The following TBXAS1 variants were observed in gnomAD, a reference collection of about 807,000 sequenced individuals.
TBXAS1 encodes the protein thromboxane A synthase 1, also known as thromboxane-A synthase.
Under a neutral mutation model 60.7 loss-of-function variants are expected in TBXAS1, and 48 were observed. That is an observed-to-expected ratio of 0.79 (90% CI 0.63 to 1.01). The LOEUF (loss-of-function observed/expected upper bound fraction) is 1.01, where lower values mean the gene tolerates loss of function less well. TBXAS1 is among the 50% of genes least tolerant of loss of function. The probability of loss-of-function intolerance (pLI) is 0.00; values close to 1 mark genes in which losing one functional copy is unlikely to be tolerated. For missense variants in TBXAS1, 685 were observed against 686.3 expected (o/e 1.00, Z 0.02); for synonymous variants, 287 against 269.7 (o/e 1.06, Z -0.63).
intron 9 of TBXAS1, among the ~76,000 whole-genome samples, chr7:139,985,031 T>G (rs1332324346): frequency 6.6e-6 from 1 of 152,204 alleles, no homozygotes; most frequent in African/African-American, 2.4e-5. Context: ...TCCCAGCAAC[T>G]AAGGCTCAAA....
chr7:139,981,359 G>A lies in TBXAS1; in HGVS notation c.1134+19126G>A, dbSNP rs185532385. 7.4e-4 allele frequency among the ~76,000 whole-genome samples: 112 copies of A among 152,202 alleles called. No homozygotes were observed. In the East Asian group the frequency reaches 0.018, roughly 25 times the overall value. The stretch of plus-strand genomic sequence containing the variant: ...TTGAACTCCTGACCTCAGGTGATCC[G>A]CCTGCGTCGGCCTCCCAGAGTGCTG... On this transcript the variant is annotated intron_variant, in intron 9 of 12. Transcript: ENST00000448866.
chr7:139,995,917 C>T (rs1813252251), intron 9 of TBXAS1, among the ~76,000 whole-genome samples: 1 of 152,138 alleles, frequency 6.6e-6, no homozygotes, highest in Non-Finnish European at 1.5e-5. Context: ...TCATTCATCC[C>T]CTCTCTAACT....
In TBXAS1 at chr7:139,998,694, C is replaced by T. The variant is rs376383957; in HGVS notation, c.1135-8397C>T. On this transcript the variant is annotated intron_variant, in intron 9 of 12. Transcript: ENST00000448866. ...GCAAAACACTATTATTATTCTAGAT[C>T]TCTGCAGACAGCAATTTCTGCAGCA... Among the ~76,000 whole-genome samples, 7 of 152,346 alleles carry T rather than the reference C, an allele frequency of 4.6e-5. No individual in the cohort carries two copies. In the East Asian group the frequency reaches 1.2e-3, roughly 25 times the overall value.
At chr7:139,864,702 C>T (rs1433285467) in intron 1 of TBXAS1, among the ~76,000 whole-genome samples, 3 of 152,130 alleles carry the variant, frequency 2.0e-5, no homozygotes, top group African/African-American at 7.2e-5. Context: ...TAGATCCAAG[C>T]ACCTATACTA....
chr7:139,980,261 A>T (rs550031920), intron 9 of TBXAS1, among the ~76,000 whole-genome samples: 1 of 152,320 alleles, frequency 6.6e-6, no homozygotes, highest in South Asian at 2.1e-4. Flanking sequence ...AACTAGAAGA[A>T]GGGATGAAAC....
intron 1 of TBXAS1, among the ~76,000 whole-genome samples, chr7:139,854,407 C>A (rs901636576): frequency 6.6e-6 from 1 of 152,100 alleles, no homozygotes; most frequent in Non-Finnish European, 1.5e-5. Flanking sequence ...AGTGCTTGAA[C>A]TGAAAGTGAC....
chr7:139,992,273 C>T (rs1812969248), intron 9 of TBXAS1, among the ~76,000 whole-genome samples: 2 of 152,224 alleles, frequency 1.3e-5, no homozygotes, highest in South Asian at 4.1e-4. Flanking sequence ...AAGAAATTGG[C>T]TATCAAGGCT....
chr7:139,838,872 G>A (rs1300965836), intron 1 of TBXAS1, among the ~76,000 whole-genome samples: 1 of 152,160 alleles, frequency 6.6e-6, no homozygotes, highest in African/African-American at 2.4e-5. Flanking sequence ...GTATTAGCTG[G>A]AAGTACATGG....
chr7:139,904,997 CTCTTTCTCTCTTTCTTTCTT>C (rs1407274997), intron 3 of TBXAS1, among the ~76,000 whole-genome samples: 79 of 93,148 alleles, frequency 8.5e-4, no homozygotes, highest in African/African-American at 1.1e-3. Context: ...CTCTCTTTCT[CTCTTTCTCTCTTTCTTTCTT>C]TCTTTCTTTC....
intron 12 of TBXAS1, among the ~76,000 whole-genome samples, chr7:140,019,104 T>G (rs926874610): frequency 2.0e-5 from 3 of 152,204 alleles, no homozygotes; most frequent in South Asian, 2.1e-4. Context: ...AGTTGACAGA[T>G]AGCAACAATT....
intron 2 of TBXAS1, among the ~76,000 whole-genome samples, chr7:139,873,026 T>C (rs868845744): frequency 1.2e-4 from 18 of 152,320 alleles, no homozygotes; most frequent in Middle Eastern, 6.8e-3. Context: ...TAGGGTGGTA[T>C]AGACGGTAGC....
rs558082237 is a variant in TBXAS1, at chr7:139,966,846, G to A, written c.1134+4613G>A. Reference sequence around the variant, plus strand: ...AGGATGCCGCCCTGCGGGAGGAGAGGTCTGTTTTTTCCCCTCCTTCTACCC... The same window carrying A: ...AGGATGCCGCCCTGCGGGAGGAGAGATCTGTTTTTTCCCCTCCTTCTACCC... On this transcript the variant is annotated intron_variant, in intron 9 of 12. Transcript: ENST00000448866. Among the ~76,000 whole-genome samples the A allele has an allele frequency of 5.3e-5, 8 of 152,290 alleles. No individual in the cohort carries two copies. The East Asian group carries it at 1.5e-3, about 29-fold the overall frequency.
intron 3 of TBXAS1, among the ~76,000 whole-genome samples, chr7:139,888,052 GAC>G (rs1465881036): frequency 6.6e-6 from 1 of 152,160 alleles, no homozygotes; most frequent in Non-Finnish European, 1.5e-5. Context: ...TGGAATGTAT[GAC>G]CCCAGTGACT....
At chr7:139,778,300 G>A (rs191519450), upstream of TBXAS1, 398 of 152,596 alleles carry the variant, frequency 2.6e-3, no homozygotes, top group African/African-American at 8.6e-3. This position sits in a 1 kb window ranked among gnomAD's most constrained non-coding sequence, Gnocchi z 4.8. Flanking sequence ...GCGCAGCCGA[G>A]CCGGTCTGCA....
intron 3 of TBXAS1, among the ~76,000 whole-genome samples, chr7:139,882,932 C>G (rs1473134353): frequency 6.6e-6 from 1 of 152,192 alleles, no homozygotes; most frequent in Non-Finnish European, 1.5e-5. Flanking sequence ...TAATCATGAA[C>G]ACTAAGCCTG....
intron 4 of TBXAS1, among the ~76,000 whole-genome samples, chr7:139,817,352 G>A (rs951941393): frequency 2.6e-5 from 4 of 152,004 alleles, no homozygotes; most frequent in African/African-American, 7.3e-5. Flanking sequence ...ACAAGACGCC[G>A]CCAGCAAGTC....
At chr7:139,880,898 G>T (rs549539152) in intron 3 of TBXAS1, among the ~76,000 whole-genome samples, 28 of 151,954 alleles carry the variant, frequency 1.8e-4, no homozygotes, top group Non-Finnish European at 3.4e-4. Flanking sequence ...CTCTTTCTAG[G>T]GTTTATGTCA....
chr7:139,844,983 GC>G (rs1176425864), intron 1 of TBXAS1, among the ~76,000 whole-genome samples: 1 of 151,830 alleles, frequency 6.6e-6, no homozygotes, highest in Non-Finnish European at 1.5e-5. Flanking sequence ...TTTTCCCCCA[GC>G]CCCCCAGGCT....
At position 139,875,490 on chromosome 7, in the gene TBXAS1, T is replaced by C. The variant is rs79823510; in HGVS notation, c.184-95T>C. ...CATTCTTTTTTATTGTTTCTGTAAT[T>C]GTATTCTTGCTGTTCCAAATTGTTT... is the stretch of plus-strand genomic sequence containing the variant. On this transcript the variant is annotated intron_variant, in intron 2 of 12. Coordinates refer to ENST00000448866, the MANE Select transcript of TBXAS1 (RefSeq NM_001061.7). The C allele has an allele frequency of 1.0e-2, 9,969 of 997,744 alleles. 137 individuals carry two copies. The highest frequency in any genetic ancestry group is 0.034 in the African/African-American group (2,135 of 62,790). 61.8% of individuals were successfully genotyped at this position (997,744 alleles called of 1,614,324 possible).
Sources: gnomAD v4.1 joint callset for allele counts (sites outside exome capture counted in the v4.1 genomes callset) on GRCh38, gnomAD v4.1.1 for gene constraint, Gnocchi (gnomAD v3.1) non-coding constraint, MANE v1.5 for transcripts, NCBI Gene and HGNC (gene_info 2026-07-23, HGNC 2026-07-21) for gene names.